The following PCDHGA5 variants were observed in gnomAD, a reference collection of about 807,000 sequenced individuals.
PCDHGA5 encodes the protein protocadherin gamma subfamily A, 5.
PCDHGA5 carries 36 observed loss-of-function variants against 56.7 expected under a neutral mutation model. The observed-to-expected ratio is 0.64, with a 90% CI of 0.49 to 0.84. The LOEUF (loss-of-function observed/expected upper bound fraction) is 0.84, where lower values mean the gene tolerates loss of function less well. Ranked by LOEUF, PCDHGA5 falls within the 40% of genes least tolerant of loss-of-function variation. The probability of loss-of-function intolerance (pLI) is 0.00; values close to 1 mark genes in which losing one functional copy is unlikely to be tolerated. For synonymous variants in PCDHGA5, 563 were observed against 520.2 expected (o/e 1.08, Z -1.12); for missense variants, 1,305 against 1,201.5 (o/e 1.09, Z -1.27).
intron 1 of PCDHGA5, among the ~76,000 whole-genome samples, chr5:141,468,952 G>GTT (rs34870721): frequency 3.3e-5 from 5 of 151,198 alleles, no homozygotes; most frequent in Admixed American, 6.6e-5. Flanking sequence ...TAAACCTGTG[G>GTT]TTTTTTTTAC....
In PCDHGA5 at chr5:141,433,032, C is replaced by T. The variant is rs751061646; in HGVS notation, c.2422-61775C>T. The T allele has an allele frequency of 2.5e-6, 4 of 1,614,188 alleles. No homozygotes were observed. Among genetic ancestry groups the T allele is most frequent in the African/African-American group, 2.7e-5 (2 of 75,058 alleles). On this transcript the variant is annotated intron_variant, in intron 1 of 3. Transcript: ENST00000518069. ...CTGCAGACCTATTCCCACGAGGTTTCCCTCACCACGGACTCGCGGAAGAGT... is the reference window on the plus strand; with the variant it reads ...CTGCAGACCTATTCCCACGAGGTTTTCCTCACCACGGACTCGCGGAAGAGT...
Position 141,400,134 on chromosome 5 carries a change from G to A in PCDHGA5, c.2421+33383G>A, listed in dbSNP as rs373375631. The A allele has an allele frequency of 6.8e-6, 11 of 1,613,954 alleles. No homozygotes were observed. In the African/African-American group the frequency reaches 9.3e-5, roughly 14 times the overall value. Reference sequence around the variant, plus strand: ...CTGACAGCTTGCAGGAGGTGCTGCCGGATATCACTGACCGCCCTGTACCCT... The same window carrying A: ...CTGACAGCTTGCAGGAGGTGCTGCCAGATATCACTGACCGCCCTGTACCCT... On this transcript the variant is annotated intron_variant, in intron 1 of 3. Coordinates refer to ENST00000518069, the MANE Select transcript of PCDHGA5 (RefSeq NM_018918.3).
At chr5:141,369,769 T>C (rs1398107902) in intron 1 of PCDHGA5, among the ~76,000 whole-genome samples, 2 of 152,248 alleles carry the variant, frequency 1.3e-5, no homozygotes, top group African/African-American at 2.4e-5. Context: ...GTGAAGCTGA[T>C]ATTTCAAGCC....
intron 1 of PCDHGA5, among the ~76,000 whole-genome samples, chr5:141,481,245 T>C (rs1362728826): frequency 6.6e-6 from 1 of 152,194 alleles, no homozygotes; most frequent in East Asian, 1.9e-4. Context: ...TTACATAGCA[T>C]AGCTCTAAAA....
At chr5:141,376,666 TG>T in intron 1 of PCDHGA5, 2 of 712,058 alleles carry the variant, frequency 2.8e-6, no homozygotes, top group East Asian at 6.0e-5. Context: ...CTTGTTCAGG[TG>T]AGGGTATCGT....
chr5:141,371,897 G>A, intron 1 of PCDHGA5: 1 of 1,613,408 alleles, frequency 6.2e-7, no homozygotes, highest in Non-Finnish European at 8.5e-7. Flanking sequence ...CGCGGGAGCT[G>A]TCGTCCTACG....
intron 1 of PCDHGA5, chr5:141,418,790 G>A (rs1434374059): frequency 2.5e-6 from 4 of 1,613,758 alleles, no homozygotes; most frequent in Admixed American, 3.3e-5. Flanking sequence ...GGATTTTGAA[G>A]AAGTAGAAAG....
At chr5:141,472,849 G>C (rs966051912) in intron 1 of PCDHGA5, among the ~76,000 whole-genome samples, 1 of 151,340 alleles carries the variant, frequency 6.6e-6, no homozygotes, top group East Asian at 2.0e-4. Flanking sequence ...AGCTGGGCAT[G>C]GTGGCACATG....
At chr5:141,414,148 G>C in intron 1 of PCDHGA5, 7 of 1,598,900 alleles carry the variant, frequency 4.4e-6, no homozygotes, top group Non-Finnish European at 6.0e-6. Flanking sequence ...AGAAATACAA[G>C]CAGAAGATGG....
intron 1 of PCDHGA5, chr5:141,423,251 A>T: frequency 6.2e-7 from 1 of 1,613,844 alleles, no homozygotes; most frequent in East Asian, 2.2e-5. Context: ...GTCCTGGCGG[A>T]CCTCGGCAGC....
At chr5:141,409,808 G>C in intron 1 of PCDHGA5, 2 of 1,611,624 alleles carry the variant, frequency 1.2e-6, no homozygotes, top group East Asian at 2.2e-5. Context: ...GCAGGCCCGC[G>C]ACCACGGCTC....
chr5:141,382,810 C>T, intron 1 of PCDHGA5: 3 of 1,162,786 alleles, frequency 2.6e-6, no homozygotes, highest in Non-Finnish European at 3.7e-6. Context: ...TCTGAGCTCC[C>T]CTTCCTAAGA....
chr5:141,371,726 T>C (rs769173416), intron 1 of PCDHGA5: 1 of 1,614,050 alleles, frequency 6.2e-7, no homozygotes, highest in Non-Finnish European at 8.5e-7. Flanking sequence ...ACATCCTTGA[T>C]GTCAACGACA....
In PCDHGA5 at chr5:141,477,018, C is replaced by T. The variant is rs2099403540; in HGVS notation, c.2422-17789C>T. The T allele has an allele frequency of 3.1e-6, 5 of 1,614,262 alleles. No homozygotes were observed. Among genetic ancestry groups the T allele is most frequent in the Non-Finnish European group, 4.2e-6 (5 of 1,180,048 alleles). ...CAACTATTCGCCTTAGACCTTGTAA[C>T]CGGGATGCTGACAATCAAGGGTCGG... On this transcript the variant is annotated intron_variant, in intron 1 of 3. Coordinates refer to ENST00000518069, the MANE Select transcript of PCDHGA5 (RefSeq NM_018918.3). The surrounding 1 kb of genome is among the most constrained non-coding windows in gnomAD (Gnocchi z 4.9).
intron 1 of PCDHGA5, among the ~76,000 whole-genome samples, chr5:141,456,780 T>A (rs1392367637): frequency 1.3e-5 from 2 of 152,000 alleles, no homozygotes; most frequent in Non-Finnish European, 2.9e-5. Flanking sequence ...CTGGCCTACA[T>A]GGCAAAACCC....
At chr5:141,445,312 T>C (rs1419229431) in intron 1 of PCDHGA5, among the ~76,000 whole-genome samples, 2 of 152,194 alleles carry the variant, frequency 1.3e-5, no homozygotes, top group African/African-American at 4.8e-5. Context: ...AGTTTGTAGG[T>C]TGAGAGAACC....
intron 1 of PCDHGA5, chr5:141,375,062 C>T (rs377179051): frequency 5.6e-6 from 9 of 1,613,878 alleles, no homozygotes; most frequent in Non-Finnish European, 7.6e-6. Context: ...TGGGCCAGGT[C>T]TTCGAGACAG....
chr5:141,423,494 A>C lies in PCDHGA5; in HGVS notation c.2421+56743A>C, dbSNP rs753859784. ...CAGGCTTTCCTGCAAACCTATTCCCACGAGGTCTCTCTCATTGCGGACTCG... is the reference window on the plus strand; with the variant it reads ...CAGGCTTTCCTGCAAACCTATTCCCCCGAGGTCTCTCTCATTGCGGACTCG... On this transcript the variant is annotated intron_variant, in intron 1 of 3. Transcript: ENST00000518069. The C allele has an allele frequency of 3.8e-5, 61 of 1,613,842 alleles. No individual in the cohort carries two copies. The highest frequency in any genetic ancestry group is 5.9e-6 in the Non-Finnish European group (7 of 1,179,940).
At chr5:141,456,204 C>A (rs867187371) in intron 1 of PCDHGA5, among the ~76,000 whole-genome samples, 17 of 152,222 alleles carry the variant, frequency 1.1e-4, no homozygotes, top group South Asian at 2.1e-4. Context: ...CTACCACATT[C>A]CTCCCTGTGG....
Sources: gnomAD v4.1 joint callset for allele counts (sites outside exome capture counted in the v4.1 genomes callset) on GRCh38, gnomAD v4.1.1 for gene constraint, Gnocchi (gnomAD v3.1) non-coding constraint, MANE v1.5 for transcripts, NCBI Gene and HGNC (gene_info 2026-07-23, HGNC 2026-07-21) for gene names.